Variants in ZBTB7C observed in about 807,000 individuals in gnomAD.
ZBTB7C encodes zinc finger and BTB domain-containing protein 7C.
In ZBTB7C, 8 loss-of-function variants were observed where a neutral mutation model predicts 25.7. The ratio of observed to expected loss-of-function variants is 0.31; its 90% CI spans 0.18 to 0.56. The LOEUF (loss-of-function observed/expected upper bound fraction) is 0.56. ZBTB7C is among the 20% of genes least tolerant of loss of function. ZBTB7C has a pLI of 0.91. For missense variants in ZBTB7C, 824 were observed against 855.2 expected (o/e 0.96, Z 0.46); for synonymous variants, 394 against 369.0 (o/e 1.07, Z -0.78).
At position 48,210,642 on chromosome 18, in the gene ZBTB7C, G is replaced by T. The variant is rs188324576; in HGVS notation, c.-78-24647C>A. Among the ~76,000 whole-genome samples, 15 of 151,754 alleles carry T rather than the reference G, an allele frequency of 9.9e-5. No individual in the cohort carries two copies. In the East Asian group the frequency reaches 2.5e-3, roughly 25 times the overall value. On this transcript the variant is annotated intron_variant, in intron 2 of 4. Coordinates refer to ENST00000590800, the MANE Select transcript of ZBTB7C (RefSeq NM_001318841.2). ...ATTAGAGACAGAAGGCAGATTAAGT[G>T]GTTGTCATGGAGTGAGGGAAGAGAG...
At chr18:48,126,424 A>G (rs567110604) in intron 3 of ZBTB7C, among the ~76,000 whole-genome samples, 79 of 152,318 alleles carry the variant, frequency 5.2e-4, no homozygotes, top group African/African-American at 1.8e-3. Flanking sequence ...AGCCCTAGAC[A>G]GTGTGACCCC....
At chr18:48,233,394 G>A (rs2043303307) in intron 2 of ZBTB7C, among the ~76,000 whole-genome samples, 1 of 152,170 alleles carries the variant, frequency 6.6e-6, no homozygotes, top group Non-Finnish European at 1.5e-5. Context: ...TCTTACAGAA[G>A]CACAAAATGG....
intron 1 of ZBTB7C, among the ~76,000 whole-genome samples, chr18:48,349,289 G>A (rs1489169): frequency 0.29 from 44,487 of 152,168 alleles, 7,484 homozygotes; most frequent in East Asian, 0.67. Context: ...TGTCAGAGAA[G>A]AGCAATGATA....
intron 2 of ZBTB7C, among the ~76,000 whole-genome samples, chr18:48,246,526 A>G (rs138414976): frequency 6.6e-6 from 1 of 152,060 alleles, no homozygotes; most frequent in East Asian, 1.9e-4. Flanking sequence ...AAGAAAATGG[A>G]AATAAAAAAA....
chr18:48,107,656 G>A (rs1265575351), intron 3 of ZBTB7C, among the ~76,000 whole-genome samples: 1 of 152,116 alleles, frequency 6.6e-6, no homozygotes, highest in Non-Finnish European at 1.5e-5. Context: ...GCGGGGCAGG[G>A]CCGGCCTCCT....
At chr18:48,131,608 T>G (rs1555697528) in intron 3 of ZBTB7C, among the ~76,000 whole-genome samples, 2 of 152,176 alleles carry the variant, frequency 1.3e-5, no homozygotes, top group Non-Finnish European at 2.9e-5. Context: ...ATAAAATGAT[T>G]TCACTGTGGA....
chr18:48,177,471 T>A (rs1207613314), intron 3 of ZBTB7C, among the ~76,000 whole-genome samples: 1 of 152,206 alleles, frequency 6.6e-6, no homozygotes, highest in Non-Finnish European at 1.5e-5. Flanking sequence ...CCATCTCTCC[T>A]CTTCCAGGGA....
chr18:48,299,677 C>G (rs1177578080), intron 2 of ZBTB7C, among the ~76,000 whole-genome samples: 1 of 152,150 alleles, frequency 6.6e-6, no homozygotes, highest in Non-Finnish European at 1.5e-5. Context: ...GAGTAGGAAA[C>G]AGCCAGGGGA....
chr18:48,085,932 C>G (rs971352613), intron 3 of ZBTB7C, among the ~76,000 whole-genome samples: 58 of 152,308 alleles, frequency 3.8e-4, no homozygotes, highest in African/African-American at 1.3e-3. Context: ...CCTGCCTGAC[C>G]ATGCCTAGGC....
At chr18:48,214,564 C>T (rs1401044402) in intron 2 of ZBTB7C, among the ~76,000 whole-genome samples, 2 of 152,224 alleles carry the variant, frequency 1.3e-5, no homozygotes, top group Non-Finnish European at 1.5e-5. Flanking sequence ...CCTCATTGCT[C>T]ATTATATGCT....
At position 48,029,316 on chromosome 18, in the gene ZBTB7C, G is replaced by A. The variant is rs1488148674; in HGVS notation, c.1804C>T (p.Leu602Phe). Residue 602 changes from leucine (L) to phenylalanine (F), a missense_variant, in exon 5 of 5, where the codon CTC becomes TTC. Around this residue, in one of 4 missense-constraint regions of ZBTB7C, gnomAD observed 342 missense variants for 307.0 expected, o/e 1.11. Transcript: ENST00000590800. ...TGGTTGAGGCCGGCGAGCCCAGGGA[G>A]GCCGGCCAGGCCGGCGGCCCAAGGG... ...PDPWAAGLAG[L>F]PGLAGLNHVA... is the part of the protein sequence containing the mutation. 1.3e-6 allele frequency: 2 copies of A among 1,536,382 alleles called. No homozygotes were observed. Among genetic ancestry groups the A allele is most frequent in the Admixed American group, 3.9e-5 (2 of 51,076 alleles).
intron 3 of ZBTB7C, among the ~76,000 whole-genome samples, chr18:48,059,563 G>A (rs1598800394): frequency 6.6e-6 from 1 of 152,310 alleles, no homozygotes; most frequent in Admixed American, 6.5e-5. Flanking sequence ...GTGGTCTCCT[G>A]GAGGGAGGGG....
chr18:48,029,179 T>A lies in ZBTB7C; in HGVS notation c.*81A>T, dbSNP rs2035615302. On this transcript the variant is annotated 3_prime_UTR_variant, in exon 5 of 5. Transcript: ENST00000590800. ...CCTTTGTGTTTTTAAAATGAAAAGT[T>A]CAGATCCATGGGGTAGGGTAGAGTG... 5 of 1,442,290 alleles carry A rather than the reference T, an allele frequency of 3.5e-6. No individual in the cohort carries two copies. Among genetic ancestry groups the A allele is most frequent in the Admixed American group, 3.1e-5 (1 of 32,174 alleles). The allele number at this position is 1,442,290 out of a possible 1,614,324, so 89.3% of individuals were successfully genotyped here. A position where few individuals can be genotyped will look rare whatever the true frequency, so the allele number is the denominator to read the frequency against.
chr18:48,245,422 A>G (rs2043657349), intron 2 of ZBTB7C, among the ~76,000 whole-genome samples: 1 of 150,562 alleles, frequency 6.6e-6, no homozygotes, highest in Admixed American at 6.6e-5. Flanking sequence ...ACCACTAAAG[A>G]TCTTATCCAT....
intron 3 of ZBTB7C, among the ~76,000 whole-genome samples, chr18:48,147,357 C>T (rs573285943): frequency 6.6e-6 from 1 of 152,244 alleles, no homozygotes; most frequent in South Asian, 2.1e-4. Context: ...GGATTACACG[C>T]GTGAGCTACC....
intron 2 of ZBTB7C, among the ~76,000 whole-genome samples, chr18:48,212,852 G>A (rs2042734057): frequency 1.3e-5 from 2 of 152,080 alleles, no homozygotes; most frequent in African/African-American, 4.8e-5. Flanking sequence ...TAATCCAGGT[G>A]TGGGGAAGGA....
At chr18:48,180,364 T>C (rs760789205) in intron 3 of ZBTB7C, 4 of 456,644 alleles carry the variant, frequency 8.8e-6, no homozygotes, top group South Asian at 6.2e-5. Flanking sequence ...TATTATAAAA[T>C]CACACCATTC....
chr18:48,119,590 T>C (rs1424093915), intron 3 of ZBTB7C, among the ~76,000 whole-genome samples: 1 of 152,244 alleles, frequency 6.6e-6, no homozygotes, highest in Non-Finnish European at 1.5e-5. Context: ...TATTATTAAT[T>C]GAAGACTATA....
chr18:48,357,810 C>G (rs2145081170), intron 1 of ZBTB7C, among the ~76,000 whole-genome samples: 1 of 152,316 alleles, frequency 6.6e-6, no homozygotes, highest in Middle Eastern at 3.4e-3. Flanking sequence ...CTCAATCCAG[C>G]TTTTTCATCT....
Sources: allele counts gnomAD v4.1 joint callset (sites outside exome capture counted in the v4.1 genomes callset), GRCh38; gene constraint gnomAD v4.1.1; regional missense constraint gnomAD v4.1.1; transcripts MANE v1.5; gene names NCBI Gene and HGNC (gene_info 2026-07-23, HGNC 2026-07-21).